The following ZNF26 variants were observed in gnomAD, a reference collection of about 807,000 sequenced individuals.
ZNF26 encodes the protein zinc finger protein 26.
Under a neutral mutation model 54.9 loss-of-function variants are expected in ZNF26, and 32 were observed. The ratio of observed to expected loss-of-function variants is 0.58; its 90% CI spans 0.44 to 0.78. The LOEUF (loss-of-function observed/expected upper bound fraction) is 0.78, where lower values mean the gene tolerates loss of function less well. Among genes scored for constraint, ZNF26 ranks in the 30% least tolerant of loss-of-function variants. ZNF26 has a pLI of 0.00. For missense variants in ZNF26, 524 were observed against 634.0 expected (o/e 0.83, Z 1.86); for synonymous variants, 221 against 209.2 (o/e 1.06, Z -0.49).
rs1953630851 is a variant in ZNF26 at position 133,020,869 on chromosome 12, T to C, written c.*9388T>C. On this transcript the variant is annotated 3_prime_UTR_variant, in exon 4 of 4. Coordinates refer to ENST00000328654, the MANE Select transcript of ZNF26 (RefSeq NM_019591.4). Reference sequence around the variant, plus strand: ...CTCATCACATAATCTCCCTTCTATATGCACATATCTCTGTGCAAACGTCCC... The same window carrying C: ...CTCATCACATAATCTCCCTTCTATACGCACATATCTCTGTGCAAACGTCCC... The C allele has an allele frequency of 6.6e-6, 1 of 152,206 alleles. No homozygotes were observed. The highest frequency in any genetic ancestry group is 6.5e-5 in the Admixed American group (1 of 15,272). The allele number at this position is 152,206 out of a possible 1,614,324, so 9.4% of individuals were successfully genotyped here.
At position 133,010,292 on chromosome 12, in the gene ZNF26, A is replaced by T. The variant is rs1441573683; in HGVS notation, c.413A>T (p.Asn138Ile). 2.5e-6 allele frequency: 4 copies of T among 1,613,912 alleles called. No homozygotes were observed. The African/African-American group carries it at 5.3e-5, about 22-fold the overall frequency. ...YNTRGKSLTQ[N>I]SAPSRSYLRK... is the part of the protein sequence containing the mutation. ...ACACGTGGAAAAAGTTTGACACAAA[A>T]CTCAGCTCCAAGCAGAAGTTATTTA... Residue 138 changes from asparagine (N) to isoleucine (I), a missense_variant, in exon 4 of 4, where the codon AAC (asparagine) becomes ATC (isoleucine). Asn to Ile is a moderately radical substitution (Grantham distance 149). Transcript: ENST00000328654.
At chr12:133,010,115 A>G (rs1953436236) in intron 3 of ZNF26, 21 bp from the exon 4 acceptor site, 5 of 1,571,710 alleles carry the variant, frequency 3.2e-6, no homozygotes, top group Middle Eastern at 1.7e-4. Context: ...AAAAAGTTAT[A>G]TTTTGTTTGT....
At chr12:132,999,512 C>T (rs909840365) in intron 1 of ZNF26, among the ~76,000 whole-genome samples, 34 of 152,252 alleles carry the variant, frequency 2.2e-4, no homozygotes, top group African/African-American at 8.2e-4. Context: ...GCCTCAGCCT[C>T]CCAGAGTGCT....
chr12:133,010,254 G>C lies in ZNF26; in HGVS notation c.375G>C (p.Gln125His). Residue 125 changes from glutamine (Q) to histidine (H), a missense_variant, in exon 4 of 4, where the codon CAG becomes CAC. Gln to His is a conservative substitution (Grantham distance 24). Transcript: ENST00000328654. Reference sequence around the variant, plus strand: ...GCAAAACCCATGATTCTTCAAGACAGAGACTCTATAACACACGTGGAAAAA... The same window carrying C: ...GCAAAACCCATGATTCTTCAAGACACAGACTCTATAACACACGTGGAAAAA... Reference protein sequence around the residue: ...NLSKTHDSSRQRLYNTRGKSL... With the variant: ...NLSKTHDSSRHRLYNTRGKSL... 6.2e-7 allele frequency: 1 copy of C among 1,614,064 alleles called. No individual in the cohort carries two copies. The highest frequency in any genetic ancestry group is 1.1e-5 in the South Asian group (1 of 91,074).
At position 133,007,113 on chromosome 12, in the gene ZNF26, G is replaced by A. The variant is rs1335442367; in HGVS notation, c.105G>A (p.Gln35=). 103 of 1,614,092 alleles carry A rather than the reference G, an allele frequency of 6.4e-5. No individual in the cohort carries two copies. The Admixed American group carries it at 1.7e-3, about 26-fold the overall frequency. ...WDEWQLLDST[Q]KYLYRDVILE... is the part of the protein sequence containing the mutation. The stretch of plus-strand genomic sequence containing the variant: ...AATGGCAGCTACTGGATTCTACACA[G>A]AAGTACCTGTACAGAGATGTGATAT... The change falls in exon 2 of 4, where the codon CAG becomes CAA. Residue 35 remains glutamine, a synonymous_variant. Transcript: ENST00000328654.
chr12:132,986,918 G>T, intron 1 of ZNF26, 45 bp downstream of exon 1: 4 of 1,574,506 alleles, frequency 2.5e-6, no homozygotes, highest in East Asian at 2.3e-5. Context: ...GGATACTGAG[G>T]GTGGCCACGT....
chr12:132,991,632 A>AC (rs376580279), intron 1 of ZNF26, among the ~76,000 whole-genome samples: 35,018 of 102,308 alleles, frequency 0.34, 4,471 homozygotes, highest in South Asian at 0.44. Context: ...AACAACAACA[A>AC]AAAAAAAAAA....
In ZNF26 at chr12:133,001,810, C is replaced by G. The variant is rs1414758013; in HGVS notation, c.34-5232C>G. The G allele has an allele frequency of 1.3e-6, 1 of 776,138 alleles. No individual in the cohort carries two copies. The highest frequency in any genetic ancestry group is 1.8e-5 in the African/African-American group (1 of 55,280). The allele number at this position is 776,138 out of a possible 1,614,324, so 48.1% of individuals were successfully genotyped here. A position where few individuals can be genotyped will look rare whatever the true frequency, so the allele number is the denominator to read the frequency against. ...CCCCAGCTGCCTTTTGAGAGTCCCG[C>G]GGCAGTCTTTGCCTTCAGAATTTTT... On this transcript the variant is annotated intron_variant, in intron 1 of 3. Coordinates refer to ENST00000328654, the MANE Select transcript of ZNF26 (RefSeq NM_019591.4). The surrounding 1 kb of genome is among the most constrained non-coding windows in gnomAD (Gnocchi z 4.7).
rs1304997721 is a variant in ZNF26 at position 133,001,231 on chromosome 12, G to A, written c.34-5811G>A. 6.6e-6 allele frequency among the ~76,000 whole-genome samples: 1 copy of A among 152,066 alleles called. No homozygotes were observed. The highest frequency in any genetic ancestry group is 2.4e-5 in the African/African-American group (1 of 41,418). ...CGTGAGGAGAGCTGATGATGCTCTG[G>A]TCACAGCCTTGTTTGTTATTGACTC... On this transcript the variant is annotated intron_variant, in intron 1 of 3. Transcript: ENST00000328654. The surrounding 1 kb of genome is among the most constrained non-coding windows in gnomAD (Gnocchi z 4.7).
intron 1 of ZNF26, among the ~76,000 whole-genome samples, chr12:132,992,644 A>G (rs944662957): frequency 1.4e-3 from 206 of 152,298 alleles, no homozygotes; most frequent in Non-Finnish European, 2.7e-3. Flanking sequence ...TTCGACTTAC[A>G]ATATGTTCAA....
At chr12:132,996,071 T>C (rs1185534223) in intron 1 of ZNF26, among the ~76,000 whole-genome samples, 1 of 152,190 alleles carries the variant, frequency 6.6e-6, no homozygotes, top group African/African-American at 2.4e-5. Context: ...CTGTTACCTG[T>C]GTCTTCGGGT....
chr12:133,017,620 T>G lies in ZNF26; in HGVS notation c.*6139T>G, dbSNP rs1217040995. On this transcript the variant is annotated 3_prime_UTR_variant, in exon 4 of 4. Transcript: ENST00000328654. ...TGAGGAATGACCCCAGGCAGTAATT[T>G]GTTTCCACAGAAAAAACAAAGAGCA... The G allele has an allele frequency of 1.3e-5, 2 of 152,214 alleles. No individual in the cohort carries two copies. The highest frequency in any genetic ancestry group is 2.9e-5 in the Non-Finnish European group (2 of 68,044). The allele number at this position is 152,214 out of a possible 1,614,324, so 9.4% of individuals were successfully genotyped here.
chr12:132,996,577 T>C (rs1953089158), intron 1 of ZNF26, among the ~76,000 whole-genome samples: 1 of 152,274 alleles, frequency 6.6e-6, no homozygotes, highest in Non-Finnish European at 1.5e-5. Flanking sequence ...GGTATTTTCA[T>C]TGAGAATTTA....
Position 133,015,754 on chromosome 12 carries a change from A to T in ZNF26, c.*4273A>T, listed in dbSNP as rs1953558007. 1 of 152,270 alleles carries T rather than the reference A, an allele frequency of 6.6e-6. No individual in the cohort carries two copies. Among genetic ancestry groups the T allele is most frequent in the Admixed American group, 6.5e-5 (1 of 15,292 alleles). The allele number at this position is 152,270 out of a possible 1,614,324, so 9.4% of individuals were successfully genotyped here. A position where few individuals can be genotyped will look rare whatever the true frequency, so the allele number is the denominator to read the frequency against. Reference sequence around the variant, plus strand: ...GGACAGTCTTCTGAGTAGAGGGCATAGGAGTTCCCAAAGAGGAAAGTCCAG... The same window carrying T: ...GGACAGTCTTCTGAGTAGAGGGCATTGGAGTTCCCAAAGAGGAAAGTCCAG... On this transcript the variant is annotated 3_prime_UTR_variant, in exon 4 of 4. Transcript: ENST00000328654.
intron 1 of ZNF26, among the ~76,000 whole-genome samples, chr12:132,993,027 C>CTTTTTT (rs71079156): frequency 0.014 from 1,752 of 129,358 alleles, 71 homozygotes; most frequent in African/African-American, 0.017. Flanking sequence ...ACTAGTATTT[C>CTTTTTT]TTTTTTTTTT....
rs1328185621 is a variant in ZNF26, at chr12:133,020,169, T to G, written c.*8688T>G. ...GAAAGTGTGATATATATAAACACAG[T>G]CAATATGTCTATTCAGTCATAAAAA... On this transcript the variant is annotated 3_prime_UTR_variant, in exon 4 of 4. Coordinates refer to ENST00000328654, the MANE Select transcript of ZNF26 (RefSeq NM_019591.4). 1.3e-5 allele frequency: 2 copies of G among 152,100 alleles called. No individual in the cohort carries two copies. Among genetic ancestry groups the G allele is most frequent in the Admixed American group, 6.6e-5 (1 of 15,258 alleles). 9.4% of individuals were successfully genotyped at this position (152,100 alleles called of 1,614,324 possible).
Position 133,001,447 on chromosome 12 carries a change from CAG to C in ZNF26, c.34-5592_34-5591del, listed in dbSNP as rs1265127234. Among the ~76,000 whole-genome samples, 7 of 152,332 alleles carry C rather than the reference CAG, an allele frequency of 4.6e-5. No homozygotes were observed. In the East Asian group the frequency reaches 9.6e-4, roughly 21 times the overall value. On this transcript the variant is annotated intron_variant, in intron 1 of 3. Coordinates refer to ENST00000328654, the MANE Select transcript of ZNF26 (RefSeq NM_019591.4). This position sits in a 1 kb window ranked among gnomAD's most constrained non-coding sequence, Gnocchi z 4.7. ...AAATCAGTGGTTAGAGAAAAAGACA[CAG>C]AGTCTCCTGTTGTGCGGTGGTCAGT...
At position 133,018,808 on chromosome 12, in the gene ZNF26, G is replaced by T. The variant is rs996191954; in HGVS notation, c.*7327G>T. 21 of 152,052 alleles carry T rather than the reference G, an allele frequency of 1.4e-4. No homozygotes were observed. The highest frequency in any genetic ancestry group is 4.3e-4 in the African/African-American group (18 of 41,436). The allele number at this position is 152,052 out of a possible 1,614,324, so 9.4% of individuals were successfully genotyped here. ...TATTTATTTATTTATAGAGATGGAG[G>T]TATCAAACTCCAGGGCTCAAGCAAT... On this transcript the variant is annotated 3_prime_UTR_variant, in exon 4 of 4. Transcript: ENST00000328654.
rs4758931 is a variant in ZNF26 at position 133,013,396 on chromosome 12, T to C, written c.*1915T>C. The stretch of plus-strand genomic sequence containing the variant: ...TACTAAATCCCTTAATGTAAACATG[T>C]GTTGAAAAAGTTATCCTCACCCTTC... On this transcript the variant is annotated 3_prime_UTR_variant, in exon 4 of 4. Coordinates refer to ENST00000328654, the MANE Select transcript of ZNF26 (RefSeq NM_019591.4). 1 allele frequency: 152,308 copies of C among 152,680 alleles called. 75,968 individuals are homozygous for C. The highest frequency in any genetic ancestry group is 1 in the Middle Eastern group (294 of 294). 9.5% of individuals were successfully genotyped at this position (152,680 alleles called of 1,614,324 possible).
Sources: allele counts gnomAD v4.1 joint callset (sites outside exome capture counted in the v4.1 genomes callset), GRCh38; gene constraint gnomAD v4.1.1; non-coding constraint Gnocchi (gnomAD v3.1); transcripts MANE v1.5; gene names NCBI Gene and HGNC (gene_info 2026-07-23, HGNC 2026-07-21).